The following KIFBP variants were observed in gnomAD, a reference collection of about 807,000 sequenced individuals.
KIFBP encodes the protein kinesin family binding protein, also known as KIF-binding protein.
KIFBP carries 46 observed loss-of-function variants against 58.9 expected under a neutral mutation model. That is an observed-to-expected ratio of 0.78 (90% CI 0.62 to 1.00). KIFBP has a LOEUF of 1.00. Among genes scored for constraint, KIFBP ranks in the 50% least tolerant of loss-of-function variants. KIFBP has a pLI of 0.00. For synonymous variants in KIFBP, 241 were observed against 283.4 expected, an observed-to-expected ratio of 0.85 and a Z score of 1.50; for missense variants, 651 against 752.9, an observed-to-expected ratio of 0.86 and a Z score of 1.58.
chr10:68,998,791 T>C (rs1843433920), intron 1 of KIFBP, among the ~76,000 whole-genome samples: 1 of 140,534 alleles, frequency 7.1e-6, no homozygotes, highest in Non-Finnish European at 1.5e-5. Flanking sequence ...TTTTTTTTTT[T>C]TTGAGACAGA....
At chr10:69,014,629 G>A (rs1261265011) in intron 6 of KIFBP, among the ~76,000 whole-genome samples, 1 of 150,840 alleles carries the variant, frequency 6.6e-6, no homozygotes, top group Non-Finnish European at 1.5e-5. Flanking sequence ...AGAAGAAAAG[G>A]CCTTGGGATC....
intron 1 of KIFBP, among the ~76,000 whole-genome samples, chr10:68,999,442 T>G (rs1274541266): frequency 1.3e-5 from 2 of 151,704 alleles, no homozygotes; most frequent in Non-Finnish European, 2.9e-5. Flanking sequence ...AAGAGCATAG[T>G]ATTTTGAAAG....
chr10:68,995,779 G>T (rs1441461016), intron 1 of KIFBP, among the ~76,000 whole-genome samples: 1 of 152,148 alleles, frequency 6.6e-6, no homozygotes, highest in Non-Finnish European at 1.5e-5. Flanking sequence ...GTTTGATAGT[G>T]GCAAGGATAT....
At chr10:69,011,084 G>T (rs190713432) in intron 6 of KIFBP, 69 bp downstream of exon 6, 2 of 1,031,982 alleles carry the variant, frequency 1.9e-6, no homozygotes, top group Non-Finnish European at 1.5e-6. Context: ...TCATAGTGGG[G>T]ATTGTGCTCA....
intron 6 of KIFBP, among the ~76,000 whole-genome samples, chr10:69,014,572 T>C (rs1426533303): frequency 1.3e-5 from 2 of 152,186 alleles, no homozygotes; most frequent in Non-Finnish European, 2.9e-5. Flanking sequence ...TTTGGAAACC[T>C]TGAAGGGTTT....
intron 4 of KIFBP, among the ~76,000 whole-genome samples, chr10:69,007,438 T>C (rs965252090): frequency 2.0e-5 from 3 of 152,168 alleles, no homozygotes; most frequent in African/African-American, 7.2e-5. Flanking sequence ...AGTCCCACAT[T>C]TACCAGCCAC....
At chr10:69,009,046 A>G (rs960330729) in intron 5 of KIFBP, 121 bp downstream of exon 5, 7 of 727,626 alleles carry the variant, frequency 9.6e-6, no homozygotes, top group South Asian at 3.1e-5. Flanking sequence ...AAATGCACCA[A>G]TTTTTAGTAT....
intron 5 of KIFBP, among the ~76,000 whole-genome samples, chr10:69,009,644 T>A (rs1000982369): frequency 6.6e-5 from 10 of 152,220 alleles, no homozygotes; most frequent in African/African-American, 2.4e-4. Flanking sequence ...GATGATATAT[T>A]TTTGGTTGGA....
chr10:69,007,343 A>G (rs550198835), intron 4 of KIFBP, among the ~76,000 whole-genome samples: 8 of 152,286 alleles, frequency 5.3e-5, no homozygotes, highest in Admixed American at 2.0e-4. Context: ...TAAAAATGCA[A>G]TTGTCATTTA....
Position 69,016,292 on chromosome 10 carries a change from A to G in KIFBP, c.1742A>G (p.Asp581Gly). ...TSLEHYKFIV[D>G]YCEKHPEAAQ... ...TTGGAACATTACAAATTTATTGTTGATTACTGTGAAAAGCATCCTGAGGCC... is the reference window on the plus strand; with the variant it reads ...TTGGAACATTACAAATTTATTGTTGGTTACTGTGAAAAGCATCCTGAGGCC... Residue 581 changes from aspartate (D) to glycine (G), a missense_variant, in exon 7 of 7, where the codon GAT (aspartate) becomes GGT (glycine). Asp to Gly is a moderately conservative substitution (Grantham distance 94). Coordinates refer to ENST00000361983, the MANE Select transcript of KIFBP (RefSeq NM_015634.4). 3 of 1,605,112 alleles carry G rather than the reference A, an allele frequency of 1.9e-6. No homozygotes were observed. The highest frequency in any genetic ancestry group is 2.6e-6 in the Non-Finnish European group (3 of 1,176,268).
Position 69,016,537 on chromosome 10 carries a change from A to G in KIFBP, c.*121A>G. On this transcript the variant is annotated 3_prime_UTR_variant, in exon 7 of 7. Transcript: ENST00000361983. ...CAGGTGAGTGCAGTTTGAACTTGAG[A>G]TACAGTCAACTGAGTGTTTGCTAGG... 1.0e-6 allele frequency: 1 copy of G among 963,470 alleles called. No homozygotes were observed. Among genetic ancestry groups the G allele is most frequent in the Non-Finnish European group, 1.6e-6 (1 of 622,508 alleles). The allele number at this position is 963,470 out of a possible 1,614,324, so 59.7% of individuals were successfully genotyped here.
chr10:69,009,814 G>A (rs540819380), intron 5 of KIFBP, among the ~76,000 whole-genome samples: 7 of 152,010 alleles, frequency 4.6e-5, no homozygotes, highest in Non-Finnish European at 1.0e-4. Flanking sequence ...TTTAAAAATA[G>A]TTTGATTCTA....
At chr10:69,007,918 G>A (rs1370089521) in intron 4 of KIFBP, among the ~76,000 whole-genome samples, 1 of 152,136 alleles carries the variant, frequency 6.6e-6, no homozygotes, top group African/African-American at 2.4e-5. Flanking sequence ...AGTTTGCCAT[G>A]CCCGGAATTG....
Position 69,016,347 on chromosome 10 carries a change from TAGTAAA to T in KIFBP, c.1798_1803del (p.Ser600_Lys601del), listed in dbSNP as rs755911338. The T allele has an allele frequency of 6.2e-7, 1 of 1,613,660 alleles. No homozygotes were observed. The highest frequency in any genetic ancestry group is 2.2e-5 in the East Asian group (1 of 44,890). On this transcript the variant is annotated inframe_deletion, in exon 7 of 7. Coordinates refer to ENST00000361983, the MANE Select transcript of KIFBP (RefSeq NM_015634.4). ...AGGAAATAGAAGTTGAGCTAGAACT[TAGTAAA>T]GAGATGGTTAGTCTTCTCCCAACAA...
chr10:69,013,073 A>G (rs1440503460), intron 6 of KIFBP, among the ~76,000 whole-genome samples: 4 of 151,978 alleles, frequency 2.6e-5, no homozygotes, highest in African/African-American at 9.7e-5. Context: ...AATGCCACAC[A>G]CTTCAAAACC....
At chr10:69,008,391 A>AAAAAAATATATATATATATATATATATAT in intron 4 of KIFBP, among the ~76,000 whole-genome samples, 5 of 71,590 alleles carry the variant, frequency 7.0e-5, no homozygotes, top group African/African-American at 3.9e-4. Flanking sequence ...AAAAAAAAAA[A>AAAAAAATATATATATATATATATATATAT]ATATATATAT....
At chr10:69,003,185 T>C (rs992127994) in intron 2 of KIFBP, among the ~76,000 whole-genome samples, 1 of 152,216 alleles carries the variant, frequency 6.6e-6, no homozygotes, top group African/African-American at 2.4e-5. Flanking sequence ...TTTGACTGTA[T>C]TAATATTACG....
intron 1 of KIFBP, 60 bp downstream of exon 1, chr10:68,989,318 C>G: frequency 6.3e-7 from 1 of 1,580,338 alleles, no homozygotes; most frequent in Non-Finnish European, 8.6e-7. Context: ...TGGGGAGGAG[C>G]CCCTGCCAAG....
At chr10:69,015,347 C>T in intron 6 of KIFBP, 194 bp from the exon 7 acceptor site, 2 of 552,122 alleles carry the variant, frequency 3.6e-6, no homozygotes, top group South Asian at 2.6e-5. Flanking sequence ...TTTTTTTCCA[C>T]ATTTCTTGAG....
Sources: allele counts gnomAD v4.1 joint callset (sites outside exome capture counted in the v4.1 genomes callset), GRCh38; gene constraint gnomAD v4.1.1; transcripts MANE v1.5; gene names NCBI Gene and HGNC (gene_info 2026-07-23, HGNC 2026-07-21).